S100A13: variants seen among roughly 807,000 people sequenced by gnomAD.
S100A13 encodes the protein protein S100-A13.
S100A13 carries 6 observed loss-of-function variants against 8.2 expected under a neutral mutation model. That is an observed-to-expected ratio of 0.73 (90% CI 0.40 to 1.44). The LOEUF (loss-of-function observed/expected upper bound fraction) is 1.44. S100A13 is among the 40% of genes most tolerant of loss of function. S100A13 has a pLI of 0.02. For missense variants in S100A13, 114 were observed against 113.6 expected, an observed-to-expected ratio of 1.00 and a Z score of -0.02; for synonymous variants, 39 against 45.9, an observed-to-expected ratio of 0.85 and a Z score of 0.61.
At chr1:153,625,250 T>C (rs557410386) in intron 2 of S100A13, among the ~76,000 whole-genome samples, 150 of 151,986 alleles carry the variant, frequency 9.9e-4, no homozygotes, top group African/African-American at 3.5e-3. Context: ...GTCTGAGAAG[T>C]TGGAAGTTGT....
chr1:153,627,957 A>T, upstream of S100A13: 1 of 1,412,192 alleles, frequency 7.1e-7, no homozygotes, highest in Non-Finnish European at 9.6e-7. Flanking sequence ...GGCCCCACAC[A>T]CAGAGGGGGA....
At chr1:153,631,683 C>G (rs756028534), upstream of S100A13, 8 of 1,614,146 alleles carry the variant, frequency 5.0e-6, no homozygotes, top group Non-Finnish European at 5.9e-6. Context: ...CCCTCTTCCT[C>G]TCCTCCCACC....
chr1:153,627,953 A>T (rs1667768448), upstream of S100A13: 1 of 1,381,472 alleles, frequency 7.2e-7, no homozygotes, highest in Non-Finnish European at 9.8e-7. Flanking sequence ...CTGAGGCCCC[A>T]CACACAGAGG....
At chr1:153,626,188 G>A (rs1267245181) in intron 2 of S100A13, 132 bp downstream of exon 2, 1 of 800,630 alleles carries the variant, frequency 1.2e-6, no homozygotes, top group Non-Finnish European at 2.0e-6. Context: ...AAGAAAACCT[G>A]CAACCATTGA....
intron 2 of S100A13, among the ~76,000 whole-genome samples, chr1:153,624,129 A>T (rs908537156): frequency 1.3e-5 from 2 of 152,210 alleles, no homozygotes; most frequent in Non-Finnish European, 2.9e-5. Flanking sequence ...ACAGAACTGG[A>T]ATGACAGGAG....
chr1:153,626,965 T>C (rs1031384728), intron 1 of S100A13: 5 of 154,382 alleles, frequency 3.2e-5, no homozygotes, highest in Non-Finnish European at 7.2e-5. Flanking sequence ...CATAAGGTTG[T>C]TTGTCTCCAA....
chr1:153,619,801 A>C (rs897216013), intron 2 of S100A13, among the ~76,000 whole-genome samples: 1 of 152,214 alleles, frequency 6.6e-6, no homozygotes, highest in Non-Finnish European at 1.5e-5. Context: ...GGATGCAGAC[A>C]GAGAAGACTC....
upstream of S100A13, chr1:153,628,010 C>G (rs1040401693): frequency 3.9e-6 from 6 of 1,548,042 alleles, no homozygotes; most frequent in Non-Finnish European, 5.2e-6. Flanking sequence ...ATTGAAATCC[C>G]TCTGTGGGTT....
At position 153,626,369 on chromosome 1, in the gene S100A13, A is replaced by G. The variant is rs772347756; in HGVS notation, c.104T>C (p.Val35Ala). The change falls in exon 2 of 3, where the codon GTC becomes GCC. Residue 35 changes from valine (V) to alanine (A), a missense_variant. By Grantham distance (64) the Val-to-Ala change is moderately conservative (BLOSUM62 0). Transcript: ENST00000476133. Reference sequence around the variant, plus strand: ...GGTAACCAGCTCTTTGAACTCGTTGACGCTGAGGCTATCCTTCCGGCCCTC... The same window carrying G: ...GGTAACCAGCTCTTTGAACTCGTTGGCGCTGAGGCTATCCTTCCGGCCCTC... ...RQEGRKDSLS[V>A]NEFKELVTQQ... 6 of 1,614,222 alleles carry G rather than the reference A, an allele frequency of 3.7e-6. No individual in the cohort carries two copies. In the South Asian group the frequency reaches 4.4e-5, roughly 12 times the overall value.
rs938958582 is a variant in S100A13, at chr1:153,624,640, T to C, written c.153+1680A>G. Among the ~76,000 whole-genome samples the C allele has an allele frequency of 6.4e-5, 6 of 93,176 alleles. No homozygotes were observed. The East Asian group carries it at 2.3e-3, about 35-fold the overall frequency. The allele number at this position is 93,176 out of a possible 152,430, so 61.1% of individuals were successfully genotyped here. The stretch of plus-strand genomic sequence containing the variant: ...AACCTGAAGTTTCCAGTAAAAAAGA[T>C]GAAAAAGGAAACGTCTGGCTGGGCA... On this transcript the variant is annotated intron_variant, in intron 2 of 2. Coordinates refer to ENST00000476133, the MANE Select transcript of S100A13 (RefSeq NM_001024211.2).
intron 2 of S100A13, among the ~76,000 whole-genome samples, chr1:153,620,789 G>C (rs1380029124): frequency 6.6e-6 from 1 of 152,052 alleles, no homozygotes; most frequent in Non-Finnish European, 1.5e-5. Context: ...TTGAGGCCAG[G>C]CATGGTGGCT....
chr1:153,625,540 T>C (rs1667561511), intron 2 of S100A13, among the ~76,000 whole-genome samples: 1 of 152,208 alleles, frequency 6.6e-6, no homozygotes, highest in Non-Finnish European at 1.5e-5. Context: ...CCCCCTACAC[T>C]GAGGTCTATG....
upstream of S100A13, chr1:153,630,502 T>C: frequency 6.2e-7 from 1 of 1,610,660 alleles, no homozygotes; most frequent in East Asian, 2.2e-5. Context: ...ATGATGGGGG[T>C]GGGTAGGTGC....
chr1:153,630,722 C>T (rs1667966195), upstream of S100A13: 7 of 1,584,062 alleles, frequency 4.4e-6, no homozygotes, highest in East Asian at 4.5e-5. Context: ...ATGGGGTGGA[C>T]ACCCCCTTGC....
At position 153,626,505 on chromosome 1, in the gene S100A13, G is replaced by A; in HGVS notation, c.-33C>T. 6.2e-7 allele frequency: 1 copy of A among 1,609,400 alleles called. No homozygotes were observed. The highest frequency in any genetic ancestry group is 8.5e-7 in the Non-Finnish European group (1 of 1,176,282). The stretch of plus-strand genomic sequence containing the variant: ...CTGAGGCCAAAGCTGATGTCCTCAA[G>A]GGGCTAGCTGACCTTTGTCAGGGCT... On this transcript the variant is annotated 5_prime_UTR_variant, in exon 2 of 3. Coordinates refer to ENST00000476133, the MANE Select transcript of S100A13 (RefSeq NM_001024211.2).
chr1:153,628,707 A>T (rs1667823694), upstream of S100A13: 1 of 843,068 alleles, frequency 1.2e-6, no homozygotes, highest in Non-Finnish European at 1.7e-6. Flanking sequence ...TCGGAGAGAG[A>T]GCTGGCAGCT....
chr1:153,627,790 A>C (rs1667758701), upstream of S100A13: 1 of 457,746 alleles, frequency 2.2e-6, no homozygotes, highest in East Asian at 4.2e-5. Flanking sequence ...ACCCATGTCT[A>C]ATCAGGAGTG....
upstream of S100A13, chr1:153,627,991 G>A: frequency 6.5e-7 from 1 of 1,532,788 alleles, no homozygotes; most frequent in South Asian, 1.2e-5. Context: ...CCCCAGAGAA[G>A]AGTCCTGGAT....
upstream of S100A13, chr1:153,628,446 A>T (rs2101621413): frequency 6.4e-7 from 1 of 1,550,728 alleles, no homozygotes; most frequent in East Asian, 2.4e-5. Flanking sequence ...CCACATTTGC[A>T]ACCTTGGCCA....
Sources: allele counts gnomAD v4.1 joint callset (sites outside exome capture counted in the v4.1 genomes callset), GRCh38; gene constraint gnomAD v4.1.1; transcripts MANE v1.5; gene names NCBI Gene and HGNC (gene_info 2026-07-23, HGNC 2026-07-21).